Variants in ENOX1 observed in about 807,000 individuals in gnomAD.
ENOX1 encodes the protein candidate growth-related and time keeping constitutive hydroquinone (NADH) oxidase.
ENOX1 carries 42 observed loss-of-function variants against 82.5 expected under a neutral mutation model. That is an observed-to-expected ratio of 0.51 (90% CI 0.40 to 0.66). ENOX1 has a LOEUF of 0.66. ENOX1 is among the 30% of genes least tolerant of loss of function. The pLI, the probability that ENOX1 is intolerant of heterozygous loss-of-function variation, is 0.00. For synonymous variants in ENOX1, 271 were observed against 282.2 expected, an observed-to-expected ratio of 0.96 and a Z score of 0.40; for missense variants, 608 against 811.6, an observed-to-expected ratio of 0.75 and a Z score of 3.05.
At chr13:43,289,250 C>T (rs1265667400) in intron 12 of ENOX1, among the ~76,000 whole-genome samples, 2 of 151,770 alleles carry the variant, frequency 1.3e-5, no homozygotes, top group East Asian at 1.9e-4. Flanking sequence ...AAAAGAGCCC[C>T]AAACAACCAA....
chr13:43,435,014 A>G (rs928501232), intron 3 of ENOX1, among the ~76,000 whole-genome samples: 2 of 130,894 alleles, frequency 1.5e-5, no homozygotes, highest in Non-Finnish European at 3.1e-5. Flanking sequence ...GGATATTTGT[A>G]CACAAGAGGC....
chr13:43,338,163 A>C (rs1289531851), intron 9 of ENOX1, among the ~76,000 whole-genome samples: 2 of 152,122 alleles, frequency 1.3e-5, no homozygotes, highest in African/African-American at 4.8e-5. Flanking sequence ...GGCATGCAAA[A>C]CTTATCATCT....
chr13:43,780,105 G>A (rs1952175487), intron 1 of ENOX1, among the ~76,000 whole-genome samples: 1 of 151,206 alleles, frequency 6.6e-6, no homozygotes, highest in Non-Finnish European at 1.5e-5. Flanking sequence ...AGCTTGCAGT[G>A]AGCCGAGATG....
intron 1 of ENOX1, among the ~76,000 whole-genome samples, chr13:43,754,167 T>C (rs1341741023): frequency 1.4e-5 from 2 of 143,378 alleles, no homozygotes; most frequent in Non-Finnish European, 3.0e-5. Flanking sequence ...TATATATGTA[T>C]ACATTACACG....
At chr13:43,406,387 A>G (rs1200682664) in intron 5 of ENOX1, among the ~76,000 whole-genome samples, 1 of 152,188 alleles carries the variant, frequency 6.6e-6, no homozygotes, top group Non-Finnish European at 1.5e-5. Flanking sequence ...GGAACACTTA[A>G]GGGTGCTGAT....
intron 3 of ENOX1, among the ~76,000 whole-genome samples, chr13:43,477,168 CAT>C (rs3044072): frequency 0.21 from 30,701 of 147,624 alleles, 3,593 homozygotes; most frequent in Middle Eastern, 0.28. Flanking sequence ...TATACACATA[CAT>C]ATATATATAT....
Position 43,569,952 on chromosome 13 carries a change from T to G in ENOX1, c.-218-85800A>C, listed in dbSNP as rs891320298. Among the ~76,000 whole-genome samples, 12 of 152,330 alleles carry G rather than the reference T, an allele frequency of 7.9e-5. 1 individual carries two copies. The highest frequency in any genetic ancestry group is 2.9e-4 in the African/African-American group (12 of 41,580). On this transcript the variant is annotated intron_variant, in intron 2 of 16. Transcript: ENST00000690772. ...ACTGTTCCCATAAATATTTCTATAG[T>G]TGCACGAATCAGGTGCTTTGTTAGT...
chr13:43,572,890 T>A (rs2080246398), intron 2 of ENOX1, among the ~76,000 whole-genome samples: 1 of 152,222 alleles, frequency 6.6e-6, no homozygotes. Flanking sequence ...CACATAAAAA[T>A]CACCTCTTGC....
At chr13:43,377,137 G>A (rs766961929) in intron 5 of ENOX1, among the ~76,000 whole-genome samples, 1 of 152,212 alleles carries the variant, frequency 6.6e-6, no homozygotes, top group African/African-American at 2.4e-5. Flanking sequence ...TAGGCTATGA[G>A]GGAGGTTATG....
intron 2 of ENOX1, among the ~76,000 whole-genome samples, chr13:43,557,299 G>C (rs139141141): frequency 2.6e-5 from 4 of 152,138 alleles, no homozygotes; most frequent in East Asian, 1.9e-4. Flanking sequence ...AGGTGGTAGG[G>C]GTTTCCATAA....
intron 11 of ENOX1, among the ~76,000 whole-genome samples, chr13:43,319,598 G>A (rs1030253388): frequency 1.3e-5 from 2 of 152,150 alleles, no homozygotes; most frequent in African/African-American, 4.8e-5. Context: ...GGTACTTTTT[G>A]TCTTAGTATG....
At chr13:43,345,190 A>G (rs2049304564) in intron 8 of ENOX1, among the ~76,000 whole-genome samples, 1 of 152,250 alleles carries the variant, frequency 6.6e-6, no homozygotes, top group Non-Finnish European at 1.5e-5. Flanking sequence ...CAGCTGAGTT[A>G]GTATTAAAAT....
intron 1 of ENOX1, among the ~76,000 whole-genome samples, chr13:43,667,973 G>A (rs535813391): frequency 1.3e-5 from 2 of 152,118 alleles, no homozygotes; most frequent in African/African-American, 2.4e-5. Context: ...GGTATCAGAC[G>A]TACTGTTTTT....
At chr13:43,278,322 G>C (rs1242607558) in intron 12 of ENOX1, among the ~76,000 whole-genome samples, 1 of 152,034 alleles carries the variant, frequency 6.6e-6, no homozygotes, top group East Asian at 1.9e-4. Context: ...CATTTGTTCT[G>C]ATTTGAGCTT....
intron 14 of ENOX1, among the ~76,000 whole-genome samples, chr13:43,240,337 G>C (rs900767637): frequency 6.6e-6 from 1 of 152,186 alleles, no homozygotes; most frequent in Non-Finnish European, 1.5e-5. Context: ...AGGTCTAAAA[G>C]AAAGAAATAT....
intron 15 of ENOX1, among the ~76,000 whole-genome samples, chr13:43,226,194 A>C (rs2042015360): frequency 6.6e-6 from 1 of 152,234 alleles, no homozygotes; most frequent in African/African-American, 2.4e-5. Flanking sequence ...AAAATATAAA[A>C]GCTCAGGAGT....
At chr13:43,604,389 C>T (rs1410737282) in intron 2 of ENOX1, among the ~76,000 whole-genome samples, 1 of 152,072 alleles carries the variant, frequency 6.6e-6, no homozygotes, top group African/African-American at 2.4e-5. Context: ...AAACAATACA[C>T]CAAAACCTCT....
intron 2 of ENOX1, among the ~76,000 whole-genome samples, chr13:43,596,167 G>A (rs2081462666): frequency 1.3e-5 from 2 of 152,126 alleles, no homozygotes; most frequent in Non-Finnish European, 2.9e-5. Context: ...TTCACATCTG[G>A]CTCTGTCACC....
At chr13:43,310,308 T>C in intron 11 of ENOX1, among the ~76,000 whole-genome samples, 1 of 150,230 alleles carries the variant, frequency 6.7e-6, no homozygotes, top group Non-Finnish European at 1.5e-5. Flanking sequence ...TTTTTTCTAA[T>C]TGAGAAACAG....
Sources: allele counts gnomAD v4.1 joint callset (sites outside exome capture counted in the v4.1 genomes callset), GRCh38; gene constraint gnomAD v4.1.1; transcripts MANE v1.5; gene names NCBI Gene and HGNC (gene_info 2026-07-23, HGNC 2026-07-21).